The following LRRIQ3 variants were observed in gnomAD, a reference collection of about 807,000 sequenced individuals.
LRRIQ3 encodes the protein leucine-rich repeat and IQ domain-containing protein 3.
LRRIQ3 carries 75 observed loss-of-function variants against 59.3 expected under a neutral mutation model. That is an observed-to-expected ratio of 1.26 (90% CI 1.05 to 1.53). LRRIQ3 has a LOEUF of 1.53. Ranked by LOEUF, LRRIQ3 falls within the 40% of genes most tolerant of loss-of-function variation. The probability of loss-of-function intolerance (pLI) is 0.00; values close to 1 mark genes in which losing one functional copy is unlikely to be tolerated. For missense variants in LRRIQ3, 831 were observed against 710.0 expected (o/e 1.17, Z -1.94); for synonymous variants, 250 against 231.3 (o/e 1.08, Z -0.73).
chr1:74,113,779 A>G (rs1253404019), intron 4 of LRRIQ3, among the ~76,000 whole-genome samples: 1 of 152,080 alleles, frequency 6.6e-6, no homozygotes, highest in East Asian at 1.9e-4. Flanking sequence ...ACGAGCTAAT[A>G]AAGGAAGTTC....
In LRRIQ3 at chr1:74,063,142, C is replaced by CA. The variant is rs1231874035; in HGVS notation, c.997+11518dup. Among the ~76,000 whole-genome samples the CA allele has an allele frequency of 3.2e-3, 469 of 146,808 alleles. 10 individuals carry two copies. In the East Asian group the frequency reaches 0.032, roughly 10 times the overall value. On this transcript the variant is annotated intron_variant, in intron 6 of 7. Transcript: ENST00000354431. Reference sequence around the variant, plus strand: ...AACCAAACAACAACAACAACAACAACAACAACAACAAAACGAGGAAGGGTG... The same window carrying CA: ...AACCAAACAACAACAACAACAACAACAAACAACAACAAAACGAGGAAGGGTG...
intron 3 of LRRIQ3, among the ~76,000 whole-genome samples, chr1:74,165,364 A>C (rs1256435140): frequency 6.6e-6 from 1 of 151,502 alleles, no homozygotes; most frequent in East Asian, 1.9e-4. Context: ...AATGATGATA[A>C]ATTGTATTTC....
chr1:74,084,035 T>A, intron 5 of LRRIQ3: 1 of 664,840 alleles, frequency 1.5e-6, no homozygotes, highest in East Asian at 3.2e-5. Context: ...CTAAGTGTAT[T>A]TCTCTTTTCA....
intron 1 of LRRIQ3, among the ~76,000 whole-genome samples, chr1:74,191,193 T>C (rs1437445738): frequency 6.6e-6 from 1 of 152,134 alleles, no homozygotes; most frequent in Non-Finnish European, 1.5e-5. Flanking sequence ...AAGGACACTG[T>C]ATGGTGCAAA....
At chr1:74,034,247 C>T (rs1653803474) in intron 7 of LRRIQ3, among the ~76,000 whole-genome samples, 3 of 151,948 alleles carry the variant, frequency 2.0e-5, no homozygotes, top group African/African-American at 7.2e-5. Context: ...TTAGATTTCA[C>T]TTTTTGATCA....
At chr1:74,081,699 A>G (rs980699085) in intron 5 of LRRIQ3, among the ~76,000 whole-genome samples, 4 of 151,578 alleles carry the variant, frequency 2.6e-5, no homozygotes, top group African/African-American at 9.7e-5. Context: ...TTACGTTTCA[A>G]TACAATTCTA....
intron 4 of LRRIQ3, among the ~76,000 whole-genome samples, chr1:74,150,525 T>TCCA (rs1647864898): frequency 6.6e-6 from 1 of 152,166 alleles, no homozygotes; most frequent in African/African-American, 2.4e-5. Flanking sequence ...CCAATATGTA[T>TCCA]ATTAATGTAT....
At chr1:74,123,584 T>G (rs947738184) in intron 4 of LRRIQ3, among the ~76,000 whole-genome samples, 6 of 152,076 alleles carry the variant, frequency 3.9e-5, no homozygotes, top group Non-Finnish European at 8.8e-5. Flanking sequence ...TTATTTCACT[T>G]AACATAATGA....
rs1569983952 is a variant in LRRIQ3 at position 74,026,213 on chromosome 1, A to G, written c.*600T>C. Reference sequence around the variant, plus strand: ...AAACAGGGCAAACCCATCAAAAGTAAATATACAAAAATCTTACAGTCTTCA... The same window carrying G: ...AAACAGGGCAAACCCATCAAAAGTAGATATACAAAAATCTTACAGTCTTCA... On this transcript the variant is annotated 3_prime_UTR_variant, in exon 8 of 8. Transcript: ENST00000354431. 6.6e-6 allele frequency: 1 copy of G among 152,038 alleles called. No individual in the cohort carries two copies. Among genetic ancestry groups the G allele is most frequent in the Non-Finnish European group, 1.5e-5 (1 of 67,964 alleles). The allele number at this position is 152,038 out of a possible 1,614,324, so 9.4% of individuals were successfully genotyped here.
At chr1:74,189,083 C>T (rs2100738240) in intron 1 of LRRIQ3, among the ~76,000 whole-genome samples, 1 of 152,184 alleles carries the variant, frequency 6.6e-6, no homozygotes, top group East Asian at 1.9e-4. Context: ...GTTCACTCCT[C>T]CAGTGAACTG....
chr1:74,159,882 G>A (rs113793394), intron 3 of LRRIQ3, among the ~76,000 whole-genome samples: 9 of 152,050 alleles, frequency 5.9e-5, no homozygotes, highest in African/African-American at 2.2e-4. Flanking sequence ...TGTCAACCAA[G>A]TAATAAACCC....
chr1:74,196,251 C>A (rs1357151633), intron 1 of LRRIQ3, among the ~76,000 whole-genome samples: 2 of 152,078 alleles, frequency 1.3e-5, no homozygotes, highest in Non-Finnish European at 2.9e-5. Context: ...TAGAATCTAA[C>A]ACATCACTCT....
At chr1:74,186,899 A>G (rs964595766) in intron 1 of LRRIQ3, among the ~76,000 whole-genome samples, 5 of 152,052 alleles carry the variant, frequency 3.3e-5, no homozygotes, top group Admixed American at 1.3e-4. Flanking sequence ...CTTTTCCTCC[A>G]TTTTGTTCAA....
intron 6 of LRRIQ3, among the ~76,000 whole-genome samples, chr1:74,052,028 A>G (rs1429315500): frequency 6.6e-6 from 1 of 152,084 alleles, no homozygotes; most frequent in African/African-American, 2.4e-5. Context: ...TAATAATTAT[A>G]TTATTTCCCT....
chr1:74,114,038 C>CAT lies in LRRIQ3; in HGVS notation c.708-4487_708-4486dup, dbSNP rs911327317. Among the ~76,000 whole-genome samples the CAT allele has an allele frequency of 6.6e-5, 10 of 151,164 alleles. No homozygotes were observed. The East Asian group carries it at 1.8e-3, about 26-fold the overall frequency. ...ATGTGTATATTGTTATATATATACA[C>CAT]ATATATATAATTGTATTGTTGGATC... On this transcript the variant is annotated intron_variant, in intron 4 of 7. Coordinates refer to ENST00000354431, the MANE Select transcript of LRRIQ3 (RefSeq NM_001105659.2).
chr1:74,138,865 T>C (rs1430911506), intron 4 of LRRIQ3, among the ~76,000 whole-genome samples: 1 of 151,584 alleles, frequency 6.6e-6, no homozygotes, highest in African/African-American at 2.4e-5. Flanking sequence ...TCCTCTCCAA[T>C]ACAGCCCCCA....
intron 4 of LRRIQ3, among the ~76,000 whole-genome samples, chr1:74,113,414 A>G (rs1476618312): frequency 6.6e-6 from 1 of 152,068 alleles, no homozygotes. Flanking sequence ...AAATTAATCT[A>G]CACATCCAAG....
intron 3 of LRRIQ3, chr1:74,180,513 CAA>C (rs1022418622): frequency 2.8e-5 from 13 of 462,328 alleles, no homozygotes; most frequent in African/African-American, 2.2e-4. Flanking sequence ...ATCTTTTCAC[CAA>C]AAGTCTTTAA....
At chr1:74,046,137 C>G (rs1654196801) in intron 6 of LRRIQ3, among the ~76,000 whole-genome samples, 1 of 152,238 alleles carries the variant, frequency 6.6e-6, no homozygotes, top group Middle Eastern at 3.4e-3. Context: ...CAAAAAAGAG[C>G]CTGCATAGCC....
Sources: gnomAD v4.1 joint callset for allele counts (sites outside exome capture counted in the v4.1 genomes callset) on GRCh38, gnomAD v4.1.1 for gene constraint, MANE v1.5 for transcripts, NCBI Gene and HGNC (gene_info 2026-07-23, HGNC 2026-07-21) for gene names.